The following NBAS variants were observed in gnomAD, a reference collection of about 807,000 sequenced individuals.
NBAS encodes NBAS subunit of NRZ tethering complex.
Under a neutral mutation model 302.5 loss-of-function variants are expected in NBAS, and 219 were observed. That is an observed-to-expected ratio of 0.72 (90% CI 0.65 to 0.81). The LOEUF is 0.81. Among genes scored for constraint, NBAS ranks in the 30% least tolerant of loss-of-function variants. The pLI is 0.00. For missense variants in NBAS, 2,932 were observed against 2,841.6 expected (o/e 1.03, Z -0.72); for synonymous variants, 1,118 against 1,021.6 (o/e 1.09, Z -1.80).
the NBAS span, among the ~76,000 whole-genome samples, chr2:15,146,367 AT>A: frequency 6.6e-6 from 1 of 152,166 alleles, no homozygotes; most frequent in African/African-American, 2.4e-5. Flanking sequence ...GTTAAATCTG[AT>A]TTCAGGATAA....
chr2:15,067,737 A>G, the NBAS span, among the ~76,000 whole-genome samples: 1 of 152,206 alleles, frequency 6.6e-6, no homozygotes, highest in African/African-American at 2.4e-5. Flanking sequence ...GAGTAAGTTT[A>G]GAGATCTGCT....
intron 47 of NBAS, among the ~76,000 whole-genome samples, chr2:15,219,976 G>A (rs570819069): frequency 6.6e-6 from 1 of 150,556 alleles, no homozygotes; most frequent in Admixed American, 6.6e-5. Context: ...CAGTAGGGGC[G>A]GCCGGGCAGA....
the NBAS span, among the ~76,000 whole-genome samples, chr2:15,130,929 A>G: frequency 6.6e-6 from 1 of 152,240 alleles, no homozygotes; most frequent in Non-Finnish European, 1.5e-5. Flanking sequence ...ACCTTCATGT[A>G]TATTTATTGG....
chr2:14,860,816 T>A, the NBAS span, among the ~76,000 whole-genome samples: 1 of 152,136 alleles, frequency 6.6e-6, no homozygotes, highest in South Asian at 2.1e-4. Context: ...TGAGGTAGAT[T>A]TCAAAATAGC....
chr2:15,158,118 A>G, the NBAS span, among the ~76,000 whole-genome samples: 1 of 152,060 alleles, frequency 6.6e-6, no homozygotes, highest in Non-Finnish European at 1.5e-5. Flanking sequence ...TTCCCTTAGG[A>G]TGGACCAGCT....
At chr2:14,926,151 G>C in the NBAS span, among the ~76,000 whole-genome samples, 2 of 152,080 alleles carry the variant, frequency 1.3e-5, no homozygotes, top group Non-Finnish European at 2.9e-5. Context: ...CCAAAATTTT[G>C]CATTTTGAAT....
At chr2:15,196,964 AAAAAG>A (rs1665653179) in intron 48 of NBAS, among the ~76,000 whole-genome samples, 1 of 152,220 alleles carries the variant, frequency 6.6e-6, no homozygotes, top group African/African-American at 2.4e-5. Context: ...CAGTTATGGC[AAAAAG>A]AAAACAAAGA....
the NBAS span, among the ~76,000 whole-genome samples, chr2:14,855,050 G>A: frequency 3.2e-4 from 48 of 152,016 alleles, no homozygotes; most frequent in African/African-American, 1.1e-3. Flanking sequence ...GAAGAGTGGT[G>A]AGAACTTTGT....
chr2:15,098,491 TATA>T, the NBAS span, among the ~76,000 whole-genome samples: 1 of 117,042 alleles, frequency 8.5e-6, no homozygotes, highest in Non-Finnish European at 1.6e-5. Context: ...ATATATTGTA[TATA>T]ATATGTTATA....
intron 23 of NBAS, 61 bp downstream of exon 23, chr2:15,424,254 T>C: frequency 6.3e-7 from 1 of 1,591,636 alleles, no homozygotes; most frequent in Non-Finnish European, 8.6e-7. Flanking sequence ...GTGTACTGAA[T>C]CCTAAGGATC....
chr2:15,447,132 T>C (rs1294235423), intron 21 of NBAS, among the ~76,000 whole-genome samples: 1 of 152,128 alleles, frequency 6.6e-6, no homozygotes, highest in Non-Finnish European at 1.5e-5. Context: ...AGTAAACAAA[T>C]ACCAGTTTAA....
chr2:14,976,921 G>A, the NBAS span, among the ~76,000 whole-genome samples: 1 of 152,124 alleles, frequency 6.6e-6, no homozygotes, highest in Admixed American at 6.6e-5. Flanking sequence ...GCATGATTTG[G>A]CCTCCAGAAT....
the NBAS span, among the ~76,000 whole-genome samples, chr2:14,959,349 T>C: frequency 1.3e-5 from 2 of 152,210 alleles, no homozygotes; most frequent in Non-Finnish European, 2.9e-5. Flanking sequence ...GGCCTAACAA[T>C]GTACCACCAG....
intron 51 of NBAS, among the ~76,000 whole-genome samples, chr2:15,170,421 G>A (rs1267283677): frequency 6.6e-6 from 1 of 152,194 alleles, no homozygotes; most frequent in Non-Finnish European, 1.5e-5. Flanking sequence ...TAAAGACACG[G>A]AAATGAAATG....
Position 15,536,510 on chromosome 2 carries a change from C to T in NBAS, c.555G>A (p.Gly185=), listed in dbSNP as rs1001671589. ...FIGDLSYAIA[G]LIFLEYKASA... ...TTGCTTTATATTCTAAAAATATCAACCCAGCAATGGCATAGCTTAAGTCAC... is the reference window on the plus strand; with the variant it reads ...TTGCTTTATATTCTAAAAATATCAATCCAGCAATGGCATAGCTTAAGTCAC... Residue 185 remains glycine (G), a synonymous_variant, in exon 8 of 52, where the codon GGG becomes GGA. Coordinates refer to ENST00000281513, the MANE Select transcript of NBAS (RefSeq NM_015909.4). 5 of 1,612,572 alleles carry T rather than the reference C, an allele frequency of 3.1e-6. No individual in the cohort carries two copies. The highest frequency in any genetic ancestry group is 4.2e-6 in the Non-Finnish European group (5 of 1,179,586).
the NBAS span, among the ~76,000 whole-genome samples, chr2:15,073,060 G>C: frequency 6.6e-6 from 1 of 152,136 alleles, no homozygotes; most frequent in Non-Finnish European, 1.5e-5. Context: ...GAAAATGGAG[G>C]CCACAGTGAG....
At chr2:15,186,617 A>G (rs1665098930) in intron 50 of NBAS, 125 bp downstream of exon 50, 3 of 1,386,770 alleles carry the variant, frequency 2.2e-6, no homozygotes. Context: ...ATCAGAAATT[A>G]TGGCCTTTAC....
At chr2:15,516,020 T>TG (rs1293675801) in intron 9 of NBAS, among the ~76,000 whole-genome samples, 1 of 152,070 alleles carries the variant, frequency 6.6e-6, no homozygotes, top group Non-Finnish European at 1.5e-5. Context: ...CAGGGAAAGG[T>TG]GGGGTCACAC....
intron 44 of NBAS, among the ~76,000 whole-genome samples, chr2:15,264,590 C>A (rs2148023960): frequency 6.6e-6 from 1 of 152,274 alleles, no homozygotes; most frequent in East Asian, 1.9e-4. Flanking sequence ...GCTTCTGCAG[C>A]CAAATTTCTC....
Sources: gnomAD v4.1 joint callset for allele counts (sites outside exome capture counted in the v4.1 genomes callset) on GRCh38, gnomAD v4.1.1 for gene constraint, MANE v1.5 for transcripts, NCBI Gene and HGNC (gene_info 2026-07-23, HGNC 2026-07-21) for gene names.